The following TPR variants were observed in gnomAD, a reference collection of about 807,000 sequenced individuals.
TPR encodes the protein translocated promoter region, nuclear basket protein.
A neutral mutation model predicts 316.1 loss-of-function variants in TPR; 51 were observed. The observed-to-expected ratio is 0.16, with a 90% CI of 0.13 to 0.20. TPR has a LOEUF of 0.20. Among genes scored for constraint, TPR ranks in the 10% least tolerant of loss-of-function variants. The pLI, the probability that TPR is intolerant of heterozygous loss-of-function variation, is 1.00. For missense variants in TPR, 2,272 were observed against 2,754.8 expected (o/e 0.82, Z 3.92); for synonymous variants, 981 against 914.7 (o/e 1.07, Z -1.31).
At position 186,356,539 on chromosome 1, in the gene TPR, C is replaced by T. The variant is rs1286267707; in HGVS notation, c.1725-90G>A. On this transcript the variant is annotated intron_variant, in intron 14 of 50. Transcript: ENST00000367478. ...GTAATTAACCAAGCATCTTTGCCTACCATTCATCATACCATTTTTGTCTCT... is the reference window on the plus strand; with the variant it reads ...GTAATTAACCAAGCATCTTTGCCTATCATTCATCATACCATTTTTGTCTCT... 1.8e-5 allele frequency: 22 copies of T among 1,233,916 alleles called. No homozygotes were observed. The East Asian group carries it at 5.4e-4, about 30-fold the overall frequency. The allele number at this position is 1,233,916 out of a possible 1,614,324, so 76.4% of individuals were successfully genotyped here.
At position 186,349,669 on chromosome 1, in the gene TPR, A is replaced by AT. The variant is rs1185373471; in HGVS notation, c.2776+553_2776+554insA. Among the ~76,000 whole-genome samples, 41 of 149,110 alleles carry AT rather than the reference A, an allele frequency of 2.7e-4. 1 individual carries two copies. Among genetic ancestry groups the AT allele is most frequent in the African/African-American group, 9.2e-4 (37 of 40,368 alleles). On this transcript the variant is annotated intron_variant, in intron 21 of 50. Transcript: ENST00000367478. ...TGCGAGACTCTCTCTCAAAAAAAAAAAAAAAAATAAATAAATAAATAAAAC... is the reference window on the plus strand; with the variant it reads ...TGCGAGACTCTCTCTCAAAAAAAAAATAAAAAAATAAATAAATAAATAAAAC...
Position 186,331,391 on chromosome 1 carries a change from A to G in TPR, c.5688+107T>C, listed in dbSNP as rs3011999. 2.4e-3 allele frequency: 1,736 copies of G among 725,148 alleles called. 14 individuals carry two copies. In the African/African-American group the frequency reaches 0.028, roughly 12 times the overall value. 44.9% of individuals were successfully genotyped at this position (725,148 alleles called of 1,614,324 possible). A position where few individuals can be genotyped will look rare whatever the true frequency, so the allele number is the denominator to read the frequency against. ...TTCTAGTAGTATTTCATTACATATA[A>G]TAAGAACAAGCTAAAAAAAAAAAGA... On this transcript the variant is annotated intron_variant, in intron 39 of 50. Transcript: ENST00000367478.
At chr1:186,344,197 G>A in intron 25 of TPR, 107 bp from the exon 26 acceptor site, 2 of 1,408,104 alleles carry the variant, frequency 1.4e-6, no homozygotes, top group East Asian at 2.4e-5. Context: ...CTACTTGGGA[G>A]GCTGAGGCAG....
At chr1:186,334,953 A>C in intron 35 of TPR, 115 bp downstream of exon 35, 1 of 1,037,474 alleles carries the variant, frequency 9.6e-7, no homozygotes, top group South Asian at 1.7e-5. Context: ...ACAACTCTTT[A>C]GTGTATGTTT....
intron 3 of TPR, 92 bp downstream of exon 3, chr1:186,370,878 T>A: frequency 9.3e-7 from 1 of 1,074,758 alleles, no homozygotes; most frequent in Non-Finnish European, 1.4e-6. Context: ...AGTTACATCT[T>A]CCCATTGACT....
intron 42 of TPR, among the ~76,000 whole-genome samples, chr1:186,324,427 T>C (rs1657857813): frequency 6.6e-6 from 1 of 152,176 alleles, no homozygotes. Flanking sequence ...TTTTGAATTT[T>C]AACAAATGTC....
At position 186,366,328 on chromosome 1, in the gene TPR, C is replaced by T. The variant is rs555297641; in HGVS notation, c.427+1558G>A. Among the ~76,000 whole-genome samples the T allele has an allele frequency of 5.9e-5, 9 of 152,246 alleles. No individual in the cohort carries two copies. In the South Asian group the frequency reaches 1.0e-3, roughly 18 times the overall value. Reference sequence around the variant, plus strand: ...CCACTTCCATTTAATGTACAGTAAACGTATTTTCTCTTCCTTATGATTTTC... The same window carrying T: ...CCACTTCCATTTAATGTACAGTAAATGTATTTTCTCTTCCTTATGATTTTC... On this transcript the variant is annotated intron_variant, in intron 4 of 50. Transcript: ENST00000367478.
At chr1:186,352,553 C>A (rs1658895205) in intron 18 of TPR, among the ~76,000 whole-genome samples, 2 of 152,264 alleles carry the variant, frequency 1.3e-5, no homozygotes, top group Admixed American at 6.5e-5. Flanking sequence ...CCCCAAGAGT[C>A]TGAGTCTCAA....
chr1:186,326,791 A>T (rs1657947220), intron 40 of TPR, among the ~76,000 whole-genome samples: 1 of 150,024 alleles, frequency 6.7e-6, no homozygotes, highest in South Asian at 2.1e-4. Context: ...TTAAAGCCAT[A>T]CAGTCATTTA....
chr1:186,358,693 AG>A (rs1360193439), intron 12 of TPR, 43 bp from the exon 13 acceptor site: 1 of 1,532,682 alleles, frequency 6.5e-7, no homozygotes, highest in Admixed American at 1.7e-5. Flanking sequence ...ACTTCCTTCT[AG>A]GATTTATACA....
chr1:186,334,600 G>A (rs1388025994), intron 35 of TPR, 67 bp from the exon 36 acceptor site: 2 of 1,481,594 alleles, frequency 1.3e-6, no homozygotes, highest in Non-Finnish European at 1.8e-6. Flanking sequence ...TAAAAACACA[G>A]TGAGTATAGG....
chr1:186,360,479 A>T, intron 10 of TPR, 115 bp from the exon 11 acceptor site: 1 of 1,122,654 alleles, frequency 8.9e-7, no homozygotes, highest in Non-Finnish European at 1.2e-6. Context: ...TCCTATAAAA[A>T]TTTTAAATAC....
chr1:186,341,458 C>A, intron 27 of TPR, 69 bp from the exon 28 acceptor site: 1 of 1,470,222 alleles, frequency 6.8e-7, no homozygotes, highest in South Asian at 1.3e-5. Flanking sequence ...TTCCTATGAG[C>A]TCAAATCCTC....
intron 10 of TPR, 101 bp downstream of exon 10, chr1:186,360,664 C>G (rs539961921): frequency 1.3e-4 from 191 of 1,466,464 alleles, no homozygotes; most frequent in Non-Finnish European, 1.7e-4. Flanking sequence ...GAGTTTCCTA[C>G]ATCACAGCAT....
rs758704152 is a variant in TPR at position 186,341,047 on chromosome 1, C to A, written c.4001G>T (p.Arg1334Leu). 1 of 1,613,770 alleles carries A rather than the reference C, an allele frequency of 6.2e-7. No homozygotes were observed. Among genetic ancestry groups the A allele is most frequent in the African/African-American group, 1.3e-5 (1 of 74,894 alleles). The change falls in exon 29 of 51, where the codon CGT becomes CTT. Residue 1334 changes from arginine (R) to leucine (L), a missense_variant. Around this residue, in one of 10 missense-constraint regions of TPR, gnomAD observed 96 missense variants for 134.6 expected, o/e 0.71. Transcript: ENST00000367478. ...ATTTACCTGGTTACGTGCTTTCCAA[C>A]GTTTGACATCCTCTTCTAAGAGCTT... ...EKKLLEEDVK[R>L]WKARNQHLVS...
At position 186,320,350 on chromosome 1, in the gene TPR, G is replaced by T; in HGVS notation, c.6530C>A (p.Ser2177Tyr). 6.2e-7 allele frequency: 1 copy of T among 1,613,096 alleles called. No individual in the cohort carries two copies. Among genetic ancestry groups the T allele is most frequent in the East Asian group, 2.2e-5 (1 of 44,818 alleles). ...AAGCTGGCCAAGATCAGAGTGACTA[G>T]AACTTGTTTGTGGCATATCTTCAGG... The part of the protein sequence containing the change: ...GPPEDMPQTS[S>Y]SHSDLGQLAS... The change falls in exon 46 of 51, where the codon TCT (serine) becomes TAT (tyrosine). Residue 2177 changes from serine to tyrosine, a missense_variant. Transcript: ENST00000367478.
intron 27 of TPR, chr1:186,341,982 T>TG (rs1658518960): frequency 6.6e-6 from 1 of 152,292 alleles, no homozygotes; most frequent in Non-Finnish European, 1.5e-5. Context: ...ATTTTTTTTT[T>TG]TTTTTGAGAC....
In TPR at chr1:186,312,518, T is replaced by C; in HGVS notation, c.*1453A>G. 5.7e-6 allele frequency: 5 copies of C among 875,636 alleles called. No homozygotes were observed. In the Admixed American group the frequency reaches 1.4e-4, roughly 24 times the overall value. 54.2% of individuals were successfully genotyped at this position (875,636 alleles called of 1,614,324 possible). ...TGATGAAAAACTCATCCACTTGCCT[T>C]AGTGAATAACCAAAGACCAATACTT... On this transcript the variant is annotated 3_prime_UTR_variant, in exon 51 of 51. Coordinates refer to ENST00000367478, the MANE Select transcript of TPR (RefSeq NM_003292.3).
chr1:186,314,853 T>C lies in TPR; in HGVS notation c.6941-129A>G, dbSNP rs1002813449. The C allele has an allele frequency of 1.3e-4, 70 of 544,096 alleles. 1 individual carries two copies. In the African/African-American group the frequency reaches 1.3e-3, roughly 10 times the overall value. The allele number at this position is 544,096 out of a possible 1,614,324, so 33.7% of individuals were successfully genotyped here. A position where few individuals can be genotyped will look rare whatever the true frequency, so the allele number is the denominator to read the frequency against. ...TTGTTCATTTGATTTCAATTCTTTT[T>C]TTCAAACAATGAGGAACATTTAACA... is the stretch of plus-strand genomic sequence containing the variant. On this transcript the variant is annotated intron_variant, in intron 49 of 50. Transcript: ENST00000367478.
Sources: gnomAD v4.1 joint callset for allele counts (sites outside exome capture counted in the v4.1 genomes callset) on GRCh38, gnomAD v4.1.1 for gene constraint, gnomAD v4.1.1 regional missense constraint, MANE v1.5 for transcripts, NCBI Gene and HGNC (gene_info 2026-07-23, HGNC 2026-07-21) for gene names.